The following P2RY8 variants were observed in gnomAD, a reference collection of about 807,000 sequenced individuals.
The protein encoded by P2RY8 is S-geranylgeranyl-glutathione receptor P2RY8.
Under a neutral mutation model 10.0 loss-of-function variants are expected in P2RY8, and 6 were observed. The ratio of observed to expected loss-of-function variants is 0.60; its 90% CI spans 0.33 to 1.19. The LOEUF is 1.19. Ranked by LOEUF, P2RY8 falls within the 50% of genes most tolerant of loss-of-function variation. The probability of loss-of-function intolerance (pLI) is 0.04; values close to 1 mark genes in which losing one functional copy is unlikely to be tolerated. For synonymous variants in P2RY8, 276 were observed against 252.5 expected (o/e 1.09, Z -0.88); for missense variants, 456 against 542.0 (o/e 0.84, Z 1.58).
chrX:1,534,702 A>G (rs760223355), intron 1 of P2RY8, among the ~76,000 whole-genome samples: 3 of 152,230 alleles, frequency 2.0e-5, no homozygotes, highest in African/African-American at 7.2e-5. Flanking sequence ...AGAGAGACTC[A>G]GACGAGAGGG....
At chrX:1,490,465 C>A (rs2092034056) in intron 1 of P2RY8, among the ~76,000 whole-genome samples, 1 of 142,502 alleles carries the variant, frequency 7.0e-6, no homozygotes, top group Non-Finnish European at 1.5e-5. Context: ...CCAGATATTC[C>A]CTGCAAATGT....
chrX:1,511,038 G>T (rs2092294598), intron 1 of P2RY8, among the ~76,000 whole-genome samples: 1 of 151,846 alleles, frequency 6.6e-6, no homozygotes, highest in Admixed American at 6.6e-5. Flanking sequence ...AAATTAGCCA[G>T]CTGTGGTGGC....
In P2RY8 at chrX:1,465,480, C is replaced by T; in HGVS notation, c.1079G>A (p.Ter360=). The T allele has an allele frequency of 6.2e-7, 1 of 1,601,188 alleles. No individual in the cohort carries two copies. Among genetic ancestry groups the T allele is most frequent in the South Asian group, 1.1e-5 (1 of 90,354 alleles). The part of the protein sequence containing the change: ...PGLQRQESVF[*] ...CTCTCCAAGCTGCGCCCCCGGGACTCAGAACACACTCTCCTGCCTCTGGAG... is the reference window on the plus strand; with the variant it reads ...CTCTCCAAGCTGCGCCCCCGGGACTTAGAACACACTCTCCTGCCTCTGGAG... Residue 360 remains the stop codon, a stop_retained_variant, in exon 2 of 2, where the codon TGA becomes TAA. Transcript: ENST00000381297.
At chrX:1,510,162 ATAGC>A (rs1318148590) in intron 1 of P2RY8, among the ~76,000 whole-genome samples, 1 of 152,076 alleles carries the variant, frequency 6.6e-6, no homozygotes, top group Non-Finnish European at 1.5e-5. Context: ...ATCTATCTCA[ATAGC>A]TAGCTATCAA....
intron 1 of P2RY8, among the ~76,000 whole-genome samples, chrX:1,505,649 G>A (rs2149400116): frequency 6.6e-6 from 1 of 152,260 alleles, no homozygotes; most frequent in East Asian, 1.9e-4. Context: ...ACTTAGCTGG[G>A]TGTGGTGGCG....
At position 1,465,624 on chromosome X, in the gene P2RY8, C is replaced by T. The variant is rs148662999; in HGVS notation, c.935G>A (p.Arg312Gln). 1.1e-4 allele frequency: 177 copies of T among 1,613,314 alleles called. 1 individual carries two copies. The African/African-American group carries it at 2.2e-3, about 20-fold the overall frequency. ...CGTGTCCAGGGTGTCTCTGGGCACC[C>T]GGCGGCAGCCCAAATATTCCCGCAG... is the stretch of plus-strand genomic sequence containing the variant. ...LRLREYLGCR[R>Q]VPRDTLDTRR... is the part of the protein sequence containing the mutation. Residue 312 changes from arginine to glutamine, a missense_variant, in exon 2 of 2, where the codon CGG becomes CAG. Coordinates refer to ENST00000381297, the MANE Select transcript of P2RY8 (RefSeq NM_178129.5).
At chrX:1,469,699 G>A (rs1456338292) in intron 1 of P2RY8, among the ~76,000 whole-genome samples, 1 of 151,742 alleles carries the variant, frequency 6.6e-6, no homozygotes, top group Non-Finnish European at 1.5e-5. Flanking sequence ...AGACCATCCT[G>A]GCTAACACGG....
chrX:1,520,047 A>G (rs2092379707), intron 1 of P2RY8, among the ~76,000 whole-genome samples: 2 of 151,142 alleles, frequency 1.3e-5, no homozygotes, highest in Admixed American at 6.6e-5. Flanking sequence ...CTGGTCCCCA[A>G]TAATCTCTCT....
chrX:1,503,713 G>T (rs1372331556), intron 1 of P2RY8, among the ~76,000 whole-genome samples: 11 of 151,896 alleles, frequency 7.2e-5, no homozygotes, highest in African/African-American at 2.4e-4. Context: ...TGGCCAATGT[G>T]GCAAAACCCC....
rs1275974228 is a variant in P2RY8 at position 1,493,725 on chromosome X, C to G, written c.-24-27143G>C. 2.6e-5 allele frequency among the ~76,000 whole-genome samples: 4 copies of G among 152,302 alleles called. No individual in the cohort carries two copies. In the East Asian group the frequency reaches 5.8e-4, roughly 22 times the overall value. Reference sequence around the variant, plus strand: ...GCATCTCGGCGTGGGCCGGCCTGTACCCCTCGTCAAAGGAACAATTGGCTT... The same window carrying G: ...GCATCTCGGCGTGGGCCGGCCTGTAGCCCTCGTCAAAGGAACAATTGGCTT... On this transcript the variant is annotated intron_variant, in intron 1 of 1. Coordinates refer to ENST00000381297, the MANE Select transcript of P2RY8 (RefSeq NM_178129.5).
intron 1 of P2RY8, among the ~76,000 whole-genome samples, chrX:1,481,676 C>T (rs1296300724): frequency 3.3e-5 from 5 of 152,026 alleles, no homozygotes; most frequent in African/African-American, 1.2e-4. Flanking sequence ...AACCCTCGCA[C>T]CCTCAAAGTT....
intron 1 of P2RY8, among the ~76,000 whole-genome samples, chrX:1,532,273 A>C (rs1475417724): frequency 6.7e-6 from 1 of 149,772 alleles, no homozygotes; most frequent in Non-Finnish European, 1.5e-5. Flanking sequence ...CACACACACA[A>C]ACACACACAC....
intron 1 of P2RY8, among the ~76,000 whole-genome samples, chrX:1,466,938 A>G: frequency 9.1e-6 from 1 of 109,702 alleles, no homozygotes; most frequent in East Asian, 2.9e-4. Context: ...AGGTCATTGG[A>G]GACCTCGGCC....
intron 1 of P2RY8, among the ~76,000 whole-genome samples, chrX:1,478,812 G>T (rs1186311797): frequency 6.6e-6 from 1 of 152,038 alleles, no homozygotes; most frequent in Non-Finnish European, 1.5e-5. Context: ...GATAGCAGGG[G>T]CTGGGAAAAC....
chrX:1,515,949 G>GGGT (rs1556684131), intron 1 of P2RY8, among the ~76,000 whole-genome samples: 4 of 114,460 alleles, frequency 3.5e-5, no homozygotes, highest in South Asian at 4.0e-4. Flanking sequence ...CGAGGGGTCG[G>GGGT]GGGGTGGTGG....
At position 1,465,616 on chromosome X, in the gene P2RY8, T is replaced by C. The variant is rs768367906; in HGVS notation, c.943A>G (p.Arg315Gly). ...REYLGCRRVP[R>G]DTLDTRRESL... ...TCGCGGCGCGTGTCCAGGGTGTCTC[T>C]GGGCACCCGGCGGCAGCCCAAATAT... is the stretch of plus-strand genomic sequence containing the variant. Residue 315 changes from arginine (R) to glycine (G), a missense_variant, in exon 2 of 2, where the codon AGA becomes GGA. By Grantham distance (125) the Arg-to-Gly change is moderately radical (BLOSUM62 -2). Transcript: ENST00000381297. 1 of 1,613,314 alleles carries C rather than the reference T, an allele frequency of 6.2e-7. No individual in the cohort carries two copies. Among genetic ancestry groups the C allele is most frequent in the Non-Finnish European group, 8.5e-7 (1 of 1,179,804 alleles).
chrX:1,466,680 G>C, intron 1 of P2RY8, 98 bp from the exon 2 acceptor site: 2 of 1,201,348 alleles, frequency 1.7e-6, no homozygotes, highest in Non-Finnish European at 2.3e-6. Context: ...GGACCAAGGC[G>C]GGGGAGATGC....
At chrX:1,475,045 A>G (rs1603455777) in intron 1 of P2RY8, among the ~76,000 whole-genome samples, 2 of 133,192 alleles carry the variant, frequency 1.5e-5, no homozygotes, top group African/African-American at 5.7e-5. Context: ...ATGGATGGGT[A>G]GATGGATAGA....
chrX:1,488,314 A>G (rs752540112), intron 1 of P2RY8, among the ~76,000 whole-genome samples: 1 of 152,258 alleles, frequency 6.6e-6, no homozygotes, highest in East Asian at 1.9e-4. Context: ...CTACTACTCA[A>G]AGGCTGGGGT....
Sources: gnomAD v4.1 joint callset for allele counts (sites outside exome capture counted in the v4.1 genomes callset) on GRCh38, gnomAD v4.1.1 for gene constraint, MANE v1.5 for transcripts, NCBI Gene and HGNC (gene_info 2026-07-23, HGNC 2026-07-21) for gene names.